Variants in GALNT7 observed in about 807,000 individuals in gnomAD.
GALNT7 encodes polypeptide N-acetylgalactosaminyltransferase 7.
A neutral mutation model predicts 82.1 loss-of-function variants in GALNT7; 60 were observed. That is an observed-to-expected ratio of 0.73 (90% confidence interval 0.59 to 0.91). GALNT7 has a LOEUF of 0.91. Ranked by LOEUF, GALNT7 falls within the 40% of genes least tolerant of loss-of-function variation. The probability of loss-of-function intolerance (pLI) is 0.00; values close to 1 mark genes in which losing one functional copy is unlikely to be tolerated. For synonymous variants in GALNT7, 243 were observed against 275.1 expected, an observed-to-expected ratio of 0.88 and a Z score of 1.15; for missense variants, 660 against 804.2, an observed-to-expected ratio of 0.82 and a Z score of 2.17.
At chr4:173,268,697 ATT>A (rs546718708) in intron 2 of GALNT7, among the ~76,000 whole-genome samples, 8 of 140,628 alleles carry the variant, frequency 5.7e-5, no homozygotes, top group Admixed American at 1.4e-4. Flanking sequence ...CGCCCAGCTA[ATT>A]TTTTTTTTTT....
chr4:173,284,466 C>T lies in GALNT7; in HGVS notation c.588-7642C>T, dbSNP rs143764718. Among the ~76,000 whole-genome samples the T allele has an allele frequency of 5.3e-3, 804 of 152,084 alleles. 10 individuals are homozygous for T. The highest frequency in any genetic ancestry group is 0.019 in the African/African-American group (777 of 41,484). On this transcript the variant is annotated intron_variant, in intron 2 of 11. Transcript: ENST00000265000. ...GTTAATATTTTTCCCTAAAACATAACCTGAAGAATATTAGACCTCATTTTG... is the reference window on the plus strand; with the variant it reads ...GTTAATATTTTTCCCTAAAACATAATCTGAAGAATATTAGACCTCATTTTG...
At chr4:173,205,819 C>T (rs543657550) in intron 1 of GALNT7, among the ~76,000 whole-genome samples, 20 of 151,330 alleles carry the variant, frequency 1.3e-4, no homozygotes, top group Admixed American at 9.2e-4. Context: ...CCTGCAGAGG[C>T]TGGCCTCATG....
At chr4:173,266,887 G>A (rs1437790701) in intron 2 of GALNT7, among the ~76,000 whole-genome samples, 2 of 142,802 alleles carry the variant, frequency 1.4e-5, no homozygotes, top group East Asian at 4.1e-4. Flanking sequence ...GTGTGTGTGT[G>A]TGTGTGTGTG....
intron 1 of GALNT7, among the ~76,000 whole-genome samples, chr4:173,214,976 T>A (rs547827363): frequency 5.9e-5 from 9 of 152,280 alleles, no homozygotes; most frequent in Admixed American, 5.2e-4. Flanking sequence ...CCAGTTCTTA[T>A]AGTTAAGTTG....
At chr4:173,253,974 G>A (rs1734937340) in intron 2 of GALNT7, among the ~76,000 whole-genome samples, 1 of 152,094 alleles carries the variant, frequency 6.6e-6, no homozygotes, top group Admixed American at 6.5e-5. Flanking sequence ...GCAGACAATC[G>A]GAGGTATTCT....
At chr4:173,276,820 T>G (rs998868000) in intron 2 of GALNT7, among the ~76,000 whole-genome samples, 1 of 152,220 alleles carries the variant, frequency 6.6e-6, no homozygotes, top group African/African-American at 2.4e-5. Flanking sequence ...TGAAAATTTT[T>G]TTTTTCTCAT....
chr4:173,302,018 A>G lies in GALNT7; in HGVS notation c.1149-29A>G, dbSNP rs1561196573. ...AAGGGTTATTGGGGGTTTGTCTGTA[A>G]TGGTTATTGCAGTGTTTCTTTTTCT... On this transcript the variant is annotated intron_variant, in intron 6 of 11. Transcript: ENST00000265000. This position sits in a 1 kb window ranked among gnomAD's most constrained non-coding sequence, Gnocchi z 4.2. 1 of 1,008,414 alleles carries G rather than the reference A, an allele frequency of 9.9e-7. No homozygotes were observed. The highest frequency in any genetic ancestry group is 2.4e-5 in the East Asian group (1 of 42,196). 62.5% of individuals were successfully genotyped at this position (1,008,414 alleles called of 1,614,324 possible).
At chr4:173,198,357 C>T (rs1034148943) in intron 1 of GALNT7, among the ~76,000 whole-genome samples, 4 of 152,002 alleles carry the variant, frequency 2.6e-5, no homozygotes, top group Non-Finnish European at 5.9e-5. Context: ...CGTGAGCCAC[C>T]GCGCCCGGCC....
chr4:173,169,494 C>G (rs1676439715), intron 1 of GALNT7: 1 of 151,540 alleles, frequency 6.6e-6, no homozygotes, highest in Non-Finnish European at 1.5e-5. Flanking sequence ...TGGGGGTGTT[C>G]GCAGCCCCGG....
At chr4:173,298,380 A>G in intron 6 of GALNT7, 83 bp downstream of exon 6, 1 of 869,678 alleles carries the variant, frequency 1.1e-6, no homozygotes, top group Non-Finnish European at 1.8e-6. Context: ...AAGATTCGTT[A>G]TTAAAACTGT....
At chr4:173,192,675 C>G (rs1732661343) in intron 1 of GALNT7, among the ~76,000 whole-genome samples, 1 of 152,204 alleles carries the variant, frequency 6.6e-6, no homozygotes, top group Admixed American at 6.5e-5. Context: ...CCTGCCTGAG[C>G]CTTTCTCCCT....
intron 2 of GALNT7, chr4:173,268,266 C>T (rs1203138613): frequency 6.5e-6 from 1 of 153,188 alleles, no homozygotes; most frequent in Non-Finnish European, 1.5e-5. Flanking sequence ...TATTTAAAGA[C>T]ACTTTATTTT....
intron 1 of GALNT7, among the ~76,000 whole-genome samples, chr4:173,216,706 CATAT>C (rs202210734): frequency 1.8e-5 from 1 of 56,972 alleles, no homozygotes; most frequent in African/African-American, 9.7e-5. Context: ...GTGTACTATT[CATAT>C]ATATATATAT....
chr4:173,198,433 C>G (rs932280812), intron 1 of GALNT7, among the ~76,000 whole-genome samples: 1 of 152,068 alleles, frequency 6.6e-6, no homozygotes, highest in African/African-American at 2.4e-5. Flanking sequence ...TGTCAACAGC[C>G]TCTCATATAG....
intron 5 of GALNT7, among the ~76,000 whole-genome samples, chr4:173,297,624 C>T (rs531463873): frequency 6.2e-4 from 95 of 152,304 alleles, no homozygotes; most frequent in African/African-American, 2.1e-3. Context: ...CCTGCCCTTA[C>T]GTAAACAGGC....
chr4:173,281,519 A>G (rs984744003), intron 2 of GALNT7, among the ~76,000 whole-genome samples: 1 of 151,922 alleles, frequency 6.6e-6, no homozygotes, highest in Non-Finnish European at 1.5e-5. Flanking sequence ...GCTACCATCC[A>G]TGTTCCCCAC....
chr4:173,275,578 G>GTAGT (rs1339551212), intron 2 of GALNT7, among the ~76,000 whole-genome samples: 16 of 152,330 alleles, frequency 1.1e-4, no homozygotes, highest in African/African-American at 3.6e-4. Context: ...ACGTGCAGCA[G>GTAGT]TAGTTTTTAT....
intron 1 of GALNT7, among the ~76,000 whole-genome samples, chr4:173,224,968 TTG>T (rs1349203628): frequency 6.6e-6 from 1 of 151,416 alleles, no homozygotes; most frequent in African/African-American, 2.4e-5. Context: ...TGAGCCGAAA[TTG>T]TGCCACTGCA....
At chr4:173,313,466 G>A (rs201595367) in intron 8 of GALNT7, among the ~76,000 whole-genome samples, 1 of 151,378 alleles carries the variant, frequency 6.6e-6, no homozygotes, top group East Asian at 1.9e-4. Flanking sequence ...AGCTACTCGG[G>A]AAGCTGAGGT....
Sources: allele counts gnomAD v4.1 joint callset (sites outside exome capture counted in the v4.1 genomes callset), GRCh38; gene constraint gnomAD v4.1.1; non-coding constraint Gnocchi (gnomAD v3.1); transcripts MANE v1.5; gene names NCBI Gene and HGNC (gene_info 2026-07-23, HGNC 2026-07-21).